CCBE1: variants seen among roughly 807,000 people sequenced by gnomAD.
The protein encoded by CCBE1 is collagen and calcium-binding EGF domain-containing protein 1.
CCBE1 carries 37 observed loss-of-function variants against 50.0 expected under a neutral mutation model. That is an observed-to-expected ratio of 0.74 (90% CI 0.57 to 0.97). The LOEUF (loss-of-function observed/expected upper bound fraction) is 0.97. Among genes scored for constraint, CCBE1 ranks in the 50% least tolerant of loss-of-function variants. The pLI, the probability that CCBE1 is intolerant of heterozygous loss-of-function variation, is 0.00. For missense variants in CCBE1, 538 were observed against 523.8 expected, an observed-to-expected ratio of 1.03 and a Z score of -0.26; for synonymous variants, 234 against 203.7, an observed-to-expected ratio of 1.15 and a Z score of -1.27.
In CCBE1 at chr18:59,609,718, A is replaced by G. The variant is rs577971042; in HGVS notation, c.212+86911T>C. Among the ~76,000 whole-genome samples, 20 of 152,314 alleles carry G rather than the reference A, an allele frequency of 1.3e-4. No individual in the cohort carries two copies. The South Asian group carries it at 4.2e-3, about 32-fold the overall frequency. ...TCATGTGTTATGTTTATTTTAGTCTATTTGAAAAGGCATTTTCTATAGAGG... is the reference window on the plus strand; with the variant it reads ...TCATGTGTTATGTTTATTTTAGTCTGTTTGAAAAGGCATTTTCTATAGAGG... On this transcript the variant is annotated intron_variant, in intron 2 of 10. Transcript: ENST00000439986.
intron 2 of CCBE1, among the ~76,000 whole-genome samples, chr18:59,485,008 A>C (rs899651624): frequency 5.7e-4 from 87 of 152,350 alleles, no homozygotes; most frequent in African/African-American, 1.9e-3. Flanking sequence ...ATCTAACTAC[A>C]AACACTGCTG....
intron 2 of CCBE1, among the ~76,000 whole-genome samples, chr18:59,561,204 A>G (rs1005495772): frequency 6.6e-6 from 1 of 152,312 alleles, no homozygotes; most frequent in East Asian, 1.9e-4. Context: ...ATCAAAGCTC[A>G]TGTATGTAAT....
chr18:59,670,650 A>G (rs2054418647), intron 2 of CCBE1, among the ~76,000 whole-genome samples: 1 of 152,200 alleles, frequency 6.6e-6, no homozygotes, highest in Non-Finnish European at 1.5e-5. Flanking sequence ...CCATTATCCT[A>G]AATAATTTTC....
chr18:59,535,659 A>C (rs1915218365), intron 2 of CCBE1, among the ~76,000 whole-genome samples: 1 of 152,260 alleles, frequency 6.6e-6, no homozygotes, highest in Admixed American at 6.5e-5. Flanking sequence ...CAGAATATGT[A>C]AATTATGACA....
chr18:59,457,650 A>G (rs1157863489), intron 5 of CCBE1, among the ~76,000 whole-genome samples: 1 of 152,208 alleles, frequency 6.6e-6, no homozygotes, highest in Non-Finnish European at 1.5e-5. Flanking sequence ...ATGAACATGA[A>G]TAACAAAATG....
At chr18:59,575,391 A>G (rs1599027414) in intron 2 of CCBE1, among the ~76,000 whole-genome samples, 1 of 152,328 alleles carries the variant, frequency 6.6e-6, no homozygotes, top group South Asian at 2.1e-4. Flanking sequence ...GGGAAAGTGC[A>G]CTTTTCTAGG....
rs560804913 is a variant in CCBE1 at position 59,460,686 on chromosome 18, C to T, written c.554-5735G>A. Among the ~76,000 whole-genome samples, 6 of 152,252 alleles carry T rather than the reference C, an allele frequency of 3.9e-5. No individual in the cohort carries two copies. In the East Asian group the frequency reaches 9.7e-4, roughly 24 times the overall value. ...GTGGCTCACGCCTGTAATCCCAGCA[C>T]ATTGGGAGGTCAAGGCAGGCAGATC... On this transcript the variant is annotated intron_variant, in intron 5 of 10. Transcript: ENST00000439986.
intron 3 of CCBE1, among the ~76,000 whole-genome samples, chr18:59,479,519 G>A (rs1369759723): frequency 6.6e-6 from 1 of 152,220 alleles, no homozygotes; most frequent in East Asian, 1.9e-4. Context: ...TGTTCCAAGT[G>A]CTTGACATGT....
At chr18:59,656,964 G>A (rs763338999) in intron 2 of CCBE1, among the ~76,000 whole-genome samples, 7 of 152,148 alleles carry the variant, frequency 4.6e-5, no homozygotes, top group Non-Finnish European at 8.8e-5. Flanking sequence ...GGTCTCAGAT[G>A]CAGTTTACTG....
intron 2 of CCBE1, among the ~76,000 whole-genome samples, chr18:59,565,518 C>T (rs1420810362): frequency 6.6e-6 from 1 of 152,214 alleles, no homozygotes; most frequent in Non-Finnish European, 1.5e-5. Flanking sequence ...AGCCCCACAC[C>T]TGGCCCCACT....
chr18:59,622,146 T>C (rs997400740), intron 2 of CCBE1, among the ~76,000 whole-genome samples: 11 of 152,178 alleles, frequency 7.2e-5, no homozygotes, highest in Admixed American at 7.2e-4. Context: ...CCTCCAAGGG[T>C]GATCCTGCCT....
chr18:59,661,005 T>G (rs1161910221), intron 2 of CCBE1, among the ~76,000 whole-genome samples: 1 of 151,890 alleles, frequency 6.6e-6, no homozygotes, highest in Non-Finnish European at 1.5e-5. Flanking sequence ...GGAGGTGTTT[T>G]TTTTTGTTTT....
At chr18:59,544,368 A>G (rs1443678871) in intron 2 of CCBE1, among the ~76,000 whole-genome samples, 1 of 152,222 alleles carries the variant, frequency 6.6e-6, no homozygotes, top group Non-Finnish European at 1.5e-5. Context: ...AAGAAATTTT[A>G]AAATTAACCC....
intron 3 of CCBE1, among the ~76,000 whole-genome samples, chr18:59,470,900 C>A (rs1035241494): frequency 6.6e-6 from 1 of 152,180 alleles, no homozygotes; most frequent in Non-Finnish European, 1.5e-5. Context: ...GCCACTCTCA[C>A]GATGACCTGG....
intron 2 of CCBE1, among the ~76,000 whole-genome samples, chr18:59,629,342 CTG>C (rs1024261545): frequency 7.2e-4 from 110 of 152,360 alleles, no homozygotes; most frequent in African/African-American, 2.6e-3. Context: ...TCAGAAGACA[CTG>C]TGTCGCTACA....
chr18:59,694,651 T>C (rs1359583798), intron 2 of CCBE1, among the ~76,000 whole-genome samples: 1 of 152,186 alleles, frequency 6.6e-6, no homozygotes, highest in East Asian at 1.9e-4. Flanking sequence ...AGATGATACT[T>C]GAGGTAGTGA....
intron 2 of CCBE1, among the ~76,000 whole-genome samples, chr18:59,657,546 G>A (rs572512975): frequency 6.6e-6 from 1 of 152,178 alleles, no homozygotes; most frequent in Non-Finnish European, 1.5e-5. Context: ...TAAGATCATT[G>A]ATGACACCAC....
chr18:59,496,477 T>G (rs1441470473), intron 2 of CCBE1, among the ~76,000 whole-genome samples: 1 of 152,216 alleles, frequency 6.6e-6, no homozygotes, highest in Non-Finnish European at 1.5e-5. Context: ...TTTGCTGTAT[T>G]ACAGGGTATA....
intron 2 of CCBE1, among the ~76,000 whole-genome samples, chr18:59,574,637 G>T (rs1206313867): frequency 1.3e-5 from 2 of 152,140 alleles, no homozygotes; most frequent in Admixed American, 1.3e-4. Context: ...AAAATGTGCT[G>T]GTTAATGTAA....
Sources: allele counts gnomAD v4.1 joint callset (sites outside exome capture counted in the v4.1 genomes callset), GRCh38; gene constraint gnomAD v4.1.1; transcripts MANE v1.5; gene names NCBI Gene and HGNC (gene_info 2026-07-23, HGNC 2026-07-21).